ANKRD30B: variants seen among roughly 807,000 people sequenced by gnomAD.
ANKRD30B encodes ankyrin repeat domain-containing protein 30B.
Under a neutral mutation model 202.2 loss-of-function variants are expected in ANKRD30B, and 144 were observed. That is an observed-to-expected ratio of 0.71 (90% CI 0.62 to 0.82). The LOEUF (loss-of-function observed/expected upper bound fraction) is 0.82, where lower values mean the gene tolerates loss of function less well. Among genes scored for constraint, ANKRD30B ranks in the 40% least tolerant of loss-of-function variants. ANKRD30B has a pLI of 0.00. For synonymous variants in ANKRD30B, 508 were observed against 561.3 expected, an observed-to-expected ratio of 0.91 and a Z score of 1.34; for missense variants, 1,487 against 1,669.1, an observed-to-expected ratio of 0.89 and a Z score of 1.90.
At chr18:14,910,188 C>T in the ANKRD30B span, 4 of 152,104 alleles carry the variant, frequency 2.6e-5, no homozygotes, top group Non-Finnish European at 4.4e-5. Flanking sequence ...GTGTACTCAT[C>T]ACCTGAACTG....
downstream of ANKRD30B, among the ~76,000 whole-genome samples, chr18:14,856,380 A>G (rs1972107323): frequency 7.4e-6 from 1 of 134,410 alleles, no homozygotes; most frequent in South Asian, 2.4e-4. Context: ...CACCTCCCAG[A>G]TGGGGAGGCT....
In ANKRD30B at chr18:14,771,108, ATGAC is replaced by A. The variant is rs1966976501; in HGVS notation, c.1257-1040_1257-1037del. Among the ~76,000 whole-genome samples, 4 of 152,226 alleles carry A rather than the reference ATGAC, an allele frequency of 2.6e-5. 1 individual carries two copies. The South Asian group carries it at 8.3e-4, about 32-fold the overall frequency. On this transcript the variant is annotated intron_variant, in intron 8 of 43. Coordinates refer to ENST00000690538, the MANE Select transcript of ANKRD30B (RefSeq NM_001367607.2). ...GGTAACATGCTTATGCTGGAGGTGA[ATGAC>A]TGACTGAGACTCCATTTCGTTGTTT...
chr18:14,792,106 A>G (rs71364859), intron 16 of ANKRD30B, among the ~76,000 whole-genome samples: 131 of 152,268 alleles, frequency 8.6e-4, no homozygotes, highest in East Asian at 8.3e-3. Flanking sequence ...CGTATAGACC[A>G]TAAGTTTTCA....
At chr18:14,830,138 T>G (rs1204929145) in intron 33 of ANKRD30B, 1 of 154,706 alleles carries the variant, frequency 6.5e-6, no homozygotes, top group African/African-American at 2.4e-5. Context: ...AGCTAAATAT[T>G]TAAAGGTTGG....
In ANKRD30B at chr18:14,838,739, TG is replaced by T. The variant is rs199894821; in HGVS notation, c.2988+1066del. Among the ~76,000 whole-genome samples the T allele has an allele frequency of 3.0e-4, 45 of 152,358 alleles. No individual in the cohort carries two copies. In the East Asian group the frequency reaches 6.6e-3, roughly 22 times the overall value. On this transcript the variant is annotated intron_variant, in intron 36 of 43. Transcript: ENST00000690538. ...ATTTGGTTCTGTCACTTACTAGCTA[TG>T]GGAACTTGGAAAAAAATCGTTTAAT...
downstream of ANKRD30B, among the ~76,000 whole-genome samples, chr18:14,858,695 C>G: frequency 6.9e-6 from 1 of 144,348 alleles, no homozygotes. Context: ...GATGGGTGGC[C>G]GGGCAGAGGC....
At chr18:14,826,244 G>A (rs1195264807) in intron 32 of ANKRD30B, among the ~76,000 whole-genome samples, 1 of 152,172 alleles carries the variant, frequency 6.6e-6, no homozygotes, top group South Asian at 2.1e-4. Context: ...CACAGGACTT[G>A]GTAAAGGAGA....
chr18:14,784,845 T>C (rs2143877916), intron 14 of ANKRD30B, among the ~76,000 whole-genome samples: 1 of 152,350 alleles, frequency 6.6e-6, no homozygotes, highest in Middle Eastern at 3.4e-3. Context: ...ACTCTAACTT[T>C]TTTAGTTCTT....
At chr18:14,820,787 G>T (rs1970373967) in intron 30 of ANKRD30B, among the ~76,000 whole-genome samples, 1 of 152,028 alleles carries the variant, frequency 6.6e-6, no homozygotes, top group Admixed American at 6.6e-5. Flanking sequence ...GAGGATTTTT[G>T]CATCAATGTT....
intron 34 of ANKRD30B, among the ~76,000 whole-genome samples, chr18:14,833,215 C>G (rs561083267): frequency 6.6e-6 from 1 of 150,898 alleles, no homozygotes; most frequent in Non-Finnish European, 1.5e-5. Flanking sequence ...GGATTACAGG[C>G]GAGAACCACC....
Position 14,837,784 on chromosome 18 carries a change from G to T in ANKRD30B, c.2988+108G>T, listed in dbSNP as rs1251681039. The T allele has an allele frequency of 6.3e-6, 8 of 1,265,744 alleles. No homozygotes were observed. The African/African-American group carries it at 9.3e-5, about 15-fold the overall frequency. The allele number at this position is 1,265,744 out of a possible 1,614,324, so 78.4% of individuals were successfully genotyped here. ...CTCTCACCTCTGATTATGTCCATAAGGCGGGTGGATCACGAGGTCAGGAGA... is the reference window on the plus strand; with the variant it reads ...CTCTCACCTCTGATTATGTCCATAATGCGGGTGGATCACGAGGTCAGGAGA... On this transcript the variant is annotated intron_variant, in intron 36 of 43. Transcript: ENST00000690538.
At chr18:14,919,277 A>G in the ANKRD30B span, among the ~76,000 whole-genome samples, 1 of 152,212 alleles carries the variant, frequency 6.6e-6, no homozygotes, top group African/African-American at 2.4e-5. Context: ...TGCTGGCTCT[A>G]TTTCCTTCAC....
At chr18:14,804,718 G>C (rs567642839) in intron 24 of ANKRD30B, among the ~76,000 whole-genome samples, 1 of 150,576 alleles carries the variant, frequency 6.6e-6, no homozygotes, top group African/African-American at 2.5e-5. Flanking sequence ...AAGAAGAAAG[G>C]GGCAATGGAA....
chr18:14,782,027 G>A (rs1967781197), intron 11 of ANKRD30B, among the ~76,000 whole-genome samples: 1 of 152,182 alleles, frequency 6.6e-6, no homozygotes, highest in African/African-American at 2.4e-5. Context: ...GTAAAGATCA[G>A]GTTGCCTTCA....
intron 34 of ANKRD30B, among the ~76,000 whole-genome samples, chr18:14,833,870 T>G (rs1971060976): frequency 6.6e-6 from 1 of 152,146 alleles, no homozygotes; most frequent in Admixed American, 6.5e-5. Flanking sequence ...TTTTAAAAAA[T>G]GATTTACCCC....
chr18:14,939,024 A>G, the ANKRD30B span, among the ~76,000 whole-genome samples: 1 of 152,132 alleles, frequency 6.6e-6, no homozygotes, highest in East Asian at 1.9e-4. Flanking sequence ...TTCTGGCAGC[A>G]ATGAAAACAC....
chr18:14,754,164 T>G (rs2143650285), intron 3 of ANKRD30B, among the ~76,000 whole-genome samples: 1 of 152,274 alleles, frequency 6.6e-6, no homozygotes, highest in South Asian at 2.1e-4. Flanking sequence ...TTAGAGCCAC[T>G]TCCTTAGTGA....
At chr18:14,777,708 G>T (rs997369355) in intron 9 of ANKRD30B, among the ~76,000 whole-genome samples, 3 of 151,640 alleles carry the variant, frequency 2.0e-5, no homozygotes, top group Admixed American at 6.6e-5. Flanking sequence ...TTGGGAGGCT[G>T]AGGCGGGCGG....
intron 9 of ANKRD30B, among the ~76,000 whole-genome samples, chr18:14,774,237 ACAAAAGT>A (rs1343409419): frequency 1.3e-5 from 2 of 152,140 alleles, no homozygotes; most frequent in Non-Finnish European, 2.9e-5. Flanking sequence ...TATATTATGA[ACAAAAGT>A]CTGTACTTTA....
Sources: gnomAD v4.1 joint callset for allele counts (sites outside exome capture counted in the v4.1 genomes callset) on GRCh38, gnomAD v4.1.1 for gene constraint, MANE v1.5 for transcripts, NCBI Gene and HGNC (gene_info 2026-07-23, HGNC 2026-07-21) for gene names.